Variants in GPC6 observed in about 807,000 individuals in gnomAD.
The protein encoded by GPC6 is glypican-6.
Under a neutral mutation model 55.2 loss-of-function variants are expected in GPC6, and 14 were observed. The ratio of observed to expected loss-of-function variants is 0.25; its 90% CI spans 0.17 to 0.40. The LOEUF (loss-of-function observed/expected upper bound fraction) is 0.40, where lower values mean the gene tolerates loss of function less well. Ranked by LOEUF, GPC6 falls within the 10% of genes least tolerant of loss-of-function variation. The pLI is 1.00. For missense variants in GPC6, 641 were observed against 708.5 expected, an observed-to-expected ratio of 0.90 and a Z score of 1.08; for synonymous variants, 278 against 259.6, an observed-to-expected ratio of 1.07 and a Z score of -0.68.
chr13:94,232,306 C>T (rs1452916248), intron 4 of GPC6, among the ~76,000 whole-genome samples: 2 of 152,140 alleles, frequency 1.3e-5, no homozygotes, highest in Admixed American at 6.5e-5. Context: ...CTTAAGGAAA[C>T]GAGCAGGAGA....
chr13:94,209,694 ATC>A (rs1890015889), intron 4 of GPC6, among the ~76,000 whole-genome samples: 1 of 152,178 alleles, frequency 6.6e-6, no homozygotes, highest in African/African-American at 2.4e-5. Context: ...ACTGTAGAGA[ATC>A]TCTTTATAAA....
chr13:93,482,135 A>G (rs1879545079), intron 1 of GPC6, among the ~76,000 whole-genome samples: 1 of 152,160 alleles, frequency 6.6e-6, no homozygotes. Flanking sequence ...CTTTCGTTAC[A>G]TTTATTCCTA....
At chr13:94,341,388 C>T (rs916564789) in intron 6 of GPC6, among the ~76,000 whole-genome samples, 1 of 152,046 alleles carries the variant, frequency 6.6e-6, no homozygotes, top group African/African-American at 2.4e-5. Flanking sequence ...AGTTTGAGAC[C>T]AGCCTGGCCA....
chr13:93,908,765 T>G (rs1876807844), intron 3 of GPC6, among the ~76,000 whole-genome samples: 2 of 152,204 alleles, frequency 1.3e-5, no homozygotes, highest in African/African-American at 2.4e-5. Context: ...GCTTTCTTAC[T>G]GTTTCTTGAA....
At chr13:93,550,136 T>A (rs1462309171) in intron 2 of GPC6, among the ~76,000 whole-genome samples, 1 of 152,122 alleles carries the variant, frequency 6.6e-6, no homozygotes, top group African/African-American at 2.4e-5. Flanking sequence ...CTTTGTTGAA[T>A]CAATGAAGAT....
chr13:94,146,655 ACTC>A (rs1396742598), intron 4 of GPC6, among the ~76,000 whole-genome samples: 1 of 152,232 alleles, frequency 6.6e-6, no homozygotes, highest in Admixed American at 6.5e-5. Flanking sequence ...TCATAAATCA[ACTC>A]CTTGATGACA....
intron 4 of GPC6, among the ~76,000 whole-genome samples, chr13:94,046,935 A>G (rs1883755154): frequency 6.6e-6 from 1 of 152,148 alleles, no homozygotes; most frequent in Non-Finnish European, 1.5e-5. Flanking sequence ...GTTCGCCACT[A>G]CTGCGAAGTT....
intron 2 of GPC6, among the ~76,000 whole-genome samples, chr13:93,792,430 C>A (rs751985687): frequency 4.6e-5 from 7 of 152,248 alleles, no homozygotes; most frequent in Non-Finnish European, 8.8e-5. Context: ...CCTGCCTCAG[C>A]CTCTGGGGTA....
At chr13:93,345,550 T>C (rs1439547598) in intron 1 of GPC6, among the ~76,000 whole-genome samples, 1 of 152,052 alleles carries the variant, frequency 6.6e-6, no homozygotes, top group African/African-American at 2.4e-5. Context: ...CTTTCCCACA[T>C]CAAAATTAAG....
chr13:94,099,202 G>C (rs968210897), intron 4 of GPC6, among the ~76,000 whole-genome samples: 1 of 152,070 alleles, frequency 6.6e-6, no homozygotes, highest in African/African-American at 2.4e-5. Flanking sequence ...ATTTTCCTAT[G>C]ATTTCCAAAT....
chr13:93,577,642 T>G (rs1876727474), intron 2 of GPC6, among the ~76,000 whole-genome samples: 2 of 152,096 alleles, frequency 1.3e-5, no homozygotes, highest in Non-Finnish European at 2.9e-5. Context: ...TCGTGTCGTT[T>G]GCATACAAGG....
intron 2 of GPC6, among the ~76,000 whole-genome samples, chr13:93,677,610 G>A (rs181028249): frequency 6.8e-4 from 104 of 152,194 alleles, no homozygotes; most frequent in African/African-American, 2.2e-3. Flanking sequence ...TGCTCAGACT[G>A]TAAACAAATC....
intron 2 of GPC6, among the ~76,000 whole-genome samples, chr13:93,798,503 A>G (rs908199092): frequency 6.6e-6 from 1 of 152,196 alleles, no homozygotes; most frequent in Non-Finnish European, 1.5e-5. Context: ...AGGCAGTGCA[A>G]ATCATGCATT....
rs557197315 is a variant in GPC6 at position 93,813,900 on chromosome 13, A to G, written c.320-16254A>G. Among the ~76,000 whole-genome samples the G allele has an allele frequency of 3.4e-3, 519 of 152,226 alleles. 1 individual carries two copies. The highest frequency in any genetic ancestry group is 6.2e-3 in the Non-Finnish European group (420 of 67,988). ...TATAAAGATCATATATGTATCATCAATATTGTGTGCAGTGGTATATAATTA... is the reference window on the plus strand; with the variant it reads ...TATAAAGATCATATATGTATCATCAGTATTGTGTGCAGTGGTATATAATTA... On this transcript the variant is annotated intron_variant, in intron 2 of 8. Coordinates refer to ENST00000377047, the MANE Select transcript of GPC6 (RefSeq NM_005708.5).
intron 4 of GPC6, among the ~76,000 whole-genome samples, chr13:94,054,489 C>T (rs1884063618): frequency 6.6e-6 from 1 of 152,202 alleles, no homozygotes; most frequent in Admixed American, 6.5e-5. Flanking sequence ...CCAAGTGCTG[C>T]TGATGCTGCT....
intron 1 of GPC6, among the ~76,000 whole-genome samples, chr13:93,433,932 T>C (rs1404420075): frequency 6.6e-6 from 1 of 152,246 alleles, no homozygotes; most frequent in Non-Finnish European, 1.5e-5. Context: ...TCACGCTATG[T>C]ATAGATGACA....
rs558237909 is a variant in GPC6 at position 94,138,627 on chromosome 13, T to A, written c.877+110733T>A. Among the ~76,000 whole-genome samples the A allele has an allele frequency of 9.3e-4, 142 of 152,226 alleles. 1 individual carries two copies. Among genetic ancestry groups the A allele is most frequent in the Non-Finnish European group, 1.7e-3 (118 of 68,038 alleles). On this transcript the variant is annotated intron_variant, in intron 4 of 8. Transcript: ENST00000377047. ...AGAGCTGATGTTCTTGTCAAGATAG[T>A]AAAGCTCATCTGCCATTTTTACGTT...
At chr13:94,168,504 T>A (rs1348539671) in intron 4 of GPC6, among the ~76,000 whole-genome samples, 1 of 152,144 alleles carries the variant, frequency 6.6e-6, no homozygotes, top group East Asian at 1.9e-4. Flanking sequence ...GTTCCCAGCA[T>A]ATTCTGGACC....
At chr13:93,874,852 A>G (rs2140304576) in intron 3 of GPC6, among the ~76,000 whole-genome samples, 1 of 151,876 alleles carries the variant, frequency 6.6e-6, no homozygotes, top group South Asian at 2.1e-4. Context: ...CATCTCCTCT[A>G]CCATTTTATT....
Sources: allele counts gnomAD v4.1 joint callset (sites outside exome capture counted in the v4.1 genomes callset), GRCh38; gene constraint gnomAD v4.1.1; transcripts MANE v1.5; gene names NCBI Gene and HGNC (gene_info 2026-07-23, HGNC 2026-07-21).